SGSM1: variants seen among roughly 807,000 people sequenced by gnomAD.
The protein encoded by SGSM1 is small G protein signaling modulator 1.
In SGSM1, 73 loss-of-function variants were observed where a neutral mutation model predicts 133.8. The observed-to-expected ratio is 0.55, with a 90% CI of 0.45 to 0.66. SGSM1 has a LOEUF of 0.66. Ranked by LOEUF, SGSM1 falls within the 30% of genes least tolerant of loss-of-function variation. The pLI is 0.00. For missense variants in SGSM1, 1,213 were observed against 1,448.1 expected (o/e 0.84, Z 2.64); for synonymous variants, 563 against 573.0 (o/e 0.98, Z 0.25).
chr22:24,817,351 CT>C (rs61046307), intron 2 of SGSM1, among the ~76,000 whole-genome samples: 2 of 149,222 alleles, frequency 1.3e-5, no homozygotes, highest in African/African-American at 4.9e-5. Flanking sequence ...AGATCCTCAG[CT>C]TTTTTTTTCT....
At chr22:24,866,155 G>A (rs1368031453) in intron 9 of SGSM1, among the ~76,000 whole-genome samples, 1 of 152,176 alleles carries the variant, frequency 6.6e-6, no homozygotes, top group African/African-American at 2.4e-5. Flanking sequence ...CAGCAGCAAG[G>A]TTTTGAGCTG....
intron 20 of SGSM1, among the ~76,000 whole-genome samples, chr22:24,903,170 C>T (rs1187002972): frequency 1.3e-5 from 2 of 151,604 alleles, no homozygotes; most frequent in African/African-American, 4.8e-5. Flanking sequence ...TTAGTAATAT[C>T]TAATTGATTG....
intron 23 of SGSM1, among the ~76,000 whole-genome samples, chr22:24,918,737 T>G (rs1297450258): frequency 6.6e-6 from 1 of 151,896 alleles, no homozygotes; most frequent in Non-Finnish European, 1.5e-5. Context: ...TTCTTTTTTT[T>G]TTTCTTTTTT....
chr22:24,907,798 G>A (rs1041076016), intron 21 of SGSM1, among the ~76,000 whole-genome samples: 10 of 150,654 alleles, frequency 6.6e-5, no homozygotes, highest in African/African-American at 2.2e-4. Flanking sequence ...TGTAGTTCCA[G>A]CTACTCAGGA....
intron 15 of SGSM1, among the ~76,000 whole-genome samples, chr22:24,884,688 G>A (rs1168256210): frequency 6.6e-6 from 1 of 152,202 alleles, no homozygotes; most frequent in Non-Finnish European, 1.5e-5. Context: ...AGATGAGGGG[G>A]AAGAGGCCCC....
chr22:24,923,966 A>G (rs1440990680), intron 24 of SGSM1, among the ~76,000 whole-genome samples: 1 of 152,032 alleles, frequency 6.6e-6, no homozygotes, highest in African/African-American at 2.4e-5. Context: ...GCATTATCCC[A>G]TTCAATCCGC....
At chr22:24,828,504 G>GA (rs1317159841) in intron 2 of SGSM1, among the ~76,000 whole-genome samples, 4 of 152,116 alleles carry the variant, frequency 2.6e-5, no homozygotes, top group Admixed American at 1.3e-4. Flanking sequence ...ACAAGCACAT[G>GA]AAAAAAAGCT....
In SGSM1 at chr22:24,908,732, G is replaced by T. The variant is rs1033760938; in HGVS notation, c.2818+3545G>T. ...CAGGAGAATGGCATGAACCCAGGAG[G>T]CAGAGCTTGCAGTGAGCCGAGATCG... On this transcript the variant is annotated intron_variant, in intron 21 of 24. Transcript: ENST00000400358. Among the ~76,000 whole-genome samples, 3 of 151,780 alleles carry T rather than the reference G, an allele frequency of 2.0e-5. No homozygotes were observed. In the East Asian group the frequency reaches 5.9e-4, roughly 30 times the overall value.
At chr22:24,873,529 C>A (rs1931869421) in intron 12 of SGSM1, among the ~76,000 whole-genome samples, 2 of 152,190 alleles carry the variant, frequency 1.3e-5, no homozygotes, top group Middle Eastern at 3.4e-3. Flanking sequence ...CTATGAGAAA[C>A]AGCTGAGGGA....
At chr22:24,839,445 A>G (rs765461087) in intron 2 of SGSM1, among the ~76,000 whole-genome samples, 1 of 152,176 alleles carries the variant, frequency 6.6e-6, no homozygotes, top group Non-Finnish European at 1.5e-5. Flanking sequence ...TATCATAGAT[A>G]TTGGTCTGTA....
At chr22:24,821,910 A>G (rs1274081222) in intron 2 of SGSM1, among the ~76,000 whole-genome samples, 6 of 151,952 alleles carry the variant, frequency 3.9e-5, no homozygotes, top group Non-Finnish European at 8.8e-5. Flanking sequence ...AGGATTAATG[A>G]ACCCACATGG....
chr22:24,817,361 C>CTT (rs540559720), intron 2 of SGSM1, among the ~76,000 whole-genome samples: 1 of 132,536 alleles, frequency 7.5e-6, no homozygotes, highest in Non-Finnish European at 1.7e-5. Flanking sequence ...CTTTTTTTTT[C>CTT]TTTTTTTTTT....
At chr22:24,877,002 G>A (rs547773431) in intron 13 of SGSM1, among the ~76,000 whole-genome samples, 5 of 152,286 alleles carry the variant, frequency 3.3e-5, no homozygotes, top group African/African-American at 1.2e-4. Flanking sequence ...GTCAGCTGGT[G>A]GCTGTTTTTT....
chr22:24,850,179 C>A (rs951514939), intron 4 of SGSM1, 101 bp from the exon 5 acceptor site: 5 of 1,261,706 alleles, frequency 4.0e-6, no homozygotes, highest in African/African-American at 1.5e-5. Context: ...GCTGCCATTC[C>A]TTCATTTTCC....
rs923968382 is a variant in SGSM1, at chr22:24,926,627, G to A, written c.*2353G>A. The A allele has an allele frequency of 1.3e-5, 2 of 152,094 alleles. No individual in the cohort carries two copies. The highest frequency in any genetic ancestry group is 4.8e-5 in the African/African-American group (2 of 41,412). The allele number at this position is 152,094 out of a possible 1,614,324, so 9.4% of individuals were successfully genotyped here. A position where few individuals can be genotyped will look rare whatever the true frequency, so the allele number is the denominator to read the frequency against. The stretch of plus-strand genomic sequence containing the variant: ...TTGTGATGTTCCAGAGAGCATCTGT[G>A]GTTGTGATTTGGAATAAGTCATATT... On this transcript the variant is annotated 3_prime_UTR_variant, in exon 25 of 25. Coordinates refer to ENST00000400358, the MANE Select transcript of SGSM1 (RefSeq NM_001098497.3).
In SGSM1 at chr22:24,850,854, T is replaced by C. The variant is rs1930415029; in HGVS notation, c.455+422T>C. ...GGCTCACGCCTGTAATCCCAGCACT[T>C]TGGGAGGCCGAGGCAGGTGGATCAC... On this transcript the variant is annotated intron_variant, in intron 5 of 24. Coordinates refer to ENST00000400358, the MANE Select transcript of SGSM1 (RefSeq NM_001098497.3). Among the ~76,000 whole-genome samples the C allele has an allele frequency of 1.3e-5, 2 of 151,996 alleles. 1 individual carries two copies. The highest frequency in any genetic ancestry group is 1.3e-4 in the Admixed American group (2 of 15,270).
At position 24,847,723 on chromosome 22, in the gene SGSM1, G is replaced by T; in HGVS notation, c.229G>T (p.Val77Leu). 6.2e-7 allele frequency: 1 copy of T among 1,613,976 alleles called. No individual in the cohort carries two copies. The highest frequency in any genetic ancestry group is 8.5e-7 in the Non-Finnish European group (1 of 1,179,894). ...SNKIAALFMK[V>L]GKNFPPAEDL... ...TAAGATTGCAGCCCTCTTTATGAAA[G>T]TGGGCAAGAACTTCCCGCCGGCTGA... The change falls in exon 4 of 25, where the codon GTG (valine) becomes TTG (leucine). Residue 77 changes from valine (V) to leucine (L), a missense_variant. Transcript: ENST00000400358.
At chr22:24,880,232 T>G (rs1932251354) in intron 14 of SGSM1, among the ~76,000 whole-genome samples, 1 of 152,104 alleles carries the variant, frequency 6.6e-6, no homozygotes, top group Admixed American at 6.5e-5. Flanking sequence ...CCTCCTGGGT[T>G]CACGCCATTC....
intron 8 of SGSM1, chr22:24,859,502 G>A (rs1273470578): frequency 7.8e-6 from 5 of 638,306 alleles, no homozygotes; most frequent in East Asian, 6.6e-5. Context: ...ACAGCTGGAC[G>A]ATGTAGAACC....
Sources: allele counts gnomAD v4.1 joint callset (sites outside exome capture counted in the v4.1 genomes callset), GRCh38; gene constraint gnomAD v4.1.1; transcripts MANE v1.5; gene names NCBI Gene and HGNC (gene_info 2026-07-23, HGNC 2026-07-21).